Variants in SPRY3 observed in about 807,000 individuals in gnomAD.
SPRY3 encodes protein sprouty homolog 3.
Under a neutral mutation model 20.2 loss-of-function variants are expected in SPRY3, and 15 were observed. The ratio of observed to expected loss-of-function variants is 0.74; its 90% CI spans 0.50 to 1.14. The LOEUF (loss-of-function observed/expected upper bound fraction) is 1.14. Ranked by LOEUF, SPRY3 falls within the 50% of genes most tolerant of loss-of-function variation. The probability of loss-of-function intolerance (pLI) is 0.00; values close to 1 mark genes in which losing one functional copy is unlikely to be tolerated. For synonymous variants in SPRY3, 143 were observed against 136.5 expected (o/e 1.05, Z -0.33); for missense variants, 364 against 363.9 (o/e 1.00, Z 0.00).
intron 1 of SPRY3, among the ~76,000 whole-genome samples, chrX:155,632,883 G>A (rs1049655430): frequency 1.8e-5 from 2 of 111,601 alleles, no homozygotes; most frequent in Non-Finnish European, 3.8e-5. Flanking sequence ...TTCTGTGATG[G>A]TTGTCTTACG....
chrX:155,767,000 G>C (rs1279770195), intron 2 of SPRY3, among the ~76,000 whole-genome samples: 1 of 152,140 alleles, frequency 6.6e-6, no homozygotes, highest in Non-Finnish European at 1.5e-5. Flanking sequence ...AGGCTGAGTA[G>C]ATTGGTAGAA....
At chrX:155,759,047 G>A (rs1417080168) in intron 2 of SPRY3, among the ~76,000 whole-genome samples, 4 of 151,444 alleles carry the variant, frequency 2.6e-5, no homozygotes, top group African/African-American at 9.7e-5. Context: ...CCGTTTCTCT[G>A]CTCTCAATGG....
chrX:155,679,187 A>G (rs1366361317), intron 2 of SPRY3, among the ~76,000 whole-genome samples: 1 of 111,927 alleles, frequency 8.9e-6, no homozygotes, highest in African/African-American at 3.3e-5. Flanking sequence ...CTTAGAACTT[A>G]AAGTATAATA....
chrX:155,688,503 C>G (rs1016815468), intron 2 of SPRY3, among the ~76,000 whole-genome samples: 8 of 111,162 alleles, frequency 7.2e-5, no homozygotes, highest in Admixed American at 2.9e-4. Flanking sequence ...CTCCCACCAA[C>G]AGTGTAAAAG....
At chrX:155,614,710 A>G (rs2067844903) in intron 1 of SPRY3, among the ~76,000 whole-genome samples, 1 of 111,409 alleles carries the variant, frequency 9.0e-6, no homozygotes, top group Non-Finnish European at 1.9e-5. Flanking sequence ...AATAAAATAT[A>G]AATTTTACTT....
intron 1 of SPRY3, among the ~76,000 whole-genome samples, chrX:155,614,918 C>T (rs1164917102): frequency 9.0e-6 from 1 of 111,494 alleles, no homozygotes; most frequent in Non-Finnish European, 1.9e-5. Context: ...TTTTATGTTC[C>T]CGCCACACCA....
intron 1 of SPRY3, among the ~76,000 whole-genome samples, chrX:155,652,873 C>T (rs1210158533): frequency 1.8e-5 from 2 of 111,894 alleles, no homozygotes; most frequent in African/African-American, 6.5e-5. Context: ...TTCTCACCAA[C>T]ATTTGTTATT....
chrX:155,713,369 C>T (rs781688414), intron 2 of SPRY3, among the ~76,000 whole-genome samples: 2 of 152,188 alleles, frequency 1.3e-5, no homozygotes, highest in South Asian at 4.2e-4. Context: ...GAGGTACTCC[C>T]TTTAGCATTT....
chrX:155,773,859 A>C, exon 4 of SPRY3: 1 of 1,609,566 alleles, frequency 6.2e-7, no homozygotes, highest in Middle Eastern at 1.7e-4. Flanking sequence ...CAGAGCTAAA[A>C]AATCAAGGCA....
intron 2 of SPRY3, among the ~76,000 whole-genome samples, chrX:155,746,718 C>G (rs1458424684): frequency 6.6e-6 from 1 of 151,952 alleles, no homozygotes; most frequent in Non-Finnish European, 1.5e-5. Context: ...TCTGGAAGGA[C>G]TAACCTGGCT....
At chrX:155,716,835 G>A (rs902944856) in intron 2 of SPRY3, among the ~76,000 whole-genome samples, 7 of 151,064 alleles carry the variant, frequency 4.6e-5, no homozygotes, top group African/African-American at 1.5e-4. Flanking sequence ...TTCAATGTAC[G>A]TTTTTAAGAT....
At chrX:155,734,158 G>A (rs2091152796) in intron 2 of SPRY3, among the ~76,000 whole-genome samples, 1 of 152,086 alleles carries the variant, frequency 6.6e-6, no homozygotes, top group Admixed American at 6.5e-5. Context: ...AGCCTGTCCT[G>A]CCTTCCGACA....
chrX:155,754,439 C>T (rs1294127898), intron 2 of SPRY3, among the ~76,000 whole-genome samples: 1 of 152,012 alleles, frequency 6.6e-6, no homozygotes, highest in Non-Finnish European at 1.5e-5. Context: ...AATTATATTA[C>T]ATTTGACTAT....
intron 2 of SPRY3, among the ~76,000 whole-genome samples, chrX:155,760,524 C>T (rs2091299941): frequency 6.6e-6 from 1 of 152,124 alleles, no homozygotes; most frequent in Non-Finnish European, 1.5e-5. Flanking sequence ...GTAACAGCGA[C>T]AAAGTTTGTG....
intron 2 of SPRY3, among the ~76,000 whole-genome samples, chrX:155,698,986 A>T (rs1198623998): frequency 3.6e-5 from 4 of 112,315 alleles, no homozygotes; most frequent in African/African-American, 1.3e-4. Flanking sequence ...GTTTCCACTA[A>T]GATTGAAAAG....
At position 155,618,270 on chromosome X, in the gene SPRY3, A is replaced by G. The variant is rs782256671; in HGVS notation, c.-441+5623A>G. Reference sequence around the variant, plus strand: ...TCAAGAATGCTATATTAATGGAGTCAGGCAATATGTAACCTTTTGGGATTG... The same window carrying G: ...TCAAGAATGCTATATTAATGGAGTCGGGCAATATGTAACCTTTTGGGATTG... On this transcript the variant is annotated intron_variant, in intron 1 of 3. Coordinates refer to ENST00000675360, the Ensembl canonical transcript of SPRY3. 2.7e-5 allele frequency among the ~76,000 whole-genome samples: 3 copies of G among 111,875 alleles called. No homozygotes were observed. The South Asian group carries it at 1.1e-3, about 41-fold the overall frequency.
chrX:155,614,145 C>T (rs1220344050), intron 1 of SPRY3, among the ~76,000 whole-genome samples: 1 of 111,695 alleles, frequency 9.0e-6, no homozygotes, highest in Non-Finnish European at 1.9e-5. Context: ...TTAATGAGTG[C>T]CTACTGTATG....
chrX:155,622,002 G>A (rs1332507320), intron 1 of SPRY3, among the ~76,000 whole-genome samples: 1 of 111,215 alleles, frequency 9.0e-6, no homozygotes, highest in East Asian at 2.8e-4. Context: ...TCACTATCAA[G>A]TCAGTATCTC....
At chrX:155,712,871 C>T (rs1436110223) in intron 2 of SPRY3, among the ~76,000 whole-genome samples, 1 of 151,756 alleles carries the variant, frequency 6.6e-6, no homozygotes, top group African/African-American at 2.4e-5. Flanking sequence ...TACCATGAGG[C>T]CTGCAGATAC....
Sources: allele counts gnomAD v4.1 joint callset (sites outside exome capture counted in the v4.1 genomes callset), GRCh38; gene constraint gnomAD v4.1.1; transcripts MANE v1.5; gene names NCBI Gene and HGNC (gene_info 2026-07-23, HGNC 2026-07-21).